Variants in SETX observed in about 807,000 individuals in gnomAD.
SETX encodes the protein helicase senataxin.
In SETX, 90 loss-of-function variants were observed where a neutral mutation model predicts 227.2. That is an observed-to-expected ratio of 0.40 (90% CI 0.33 to 0.47). The LOEUF (loss-of-function observed/expected upper bound fraction) is 0.47. SETX is among the 20% of genes least tolerant of loss of function. SETX has a pLI of 0.91. For synonymous variants in SETX, 1,210 were observed against 1,113.2 expected, an observed-to-expected ratio of 1.09 and a Z score of -1.73; for missense variants, 3,052 against 3,181.5, an observed-to-expected ratio of 0.96 and a Z score of 0.98.
At position 132,328,687 on chromosome 9, in the gene SETX, C is replaced by G; in HGVS notation, c.2911G>C (p.Ala971Pro). The change falls in exon 10 of 26, where the codon GCC becomes CCC. Residue 971 changes from alanine (A) to proline (P), a missense_variant. Ala to Pro is a conservative substitution (Grantham distance 27). This residue lies in a region of SETX where 1,483 missense variants were observed against 1,312.0 expected (regional missense o/e 1.13). Transcript: ENST00000224140. ...TCGGATGGGAACGTAATAACACTGG[C>G]TTGAGCTAGTAAAGATAATTTGTGA... ...DLHKLSLLAQ[A>P]SVITFPSDSP... The G allele has an allele frequency of 6.2e-7, 1 of 1,613,774 alleles. No individual in the cohort carries two copies. Among genetic ancestry groups the G allele is most frequent in the Non-Finnish European group, 8.5e-7 (1 of 1,179,844 alleles).
chr9:132,279,769 C>G (rs910449749), intron 20 of SETX, among the ~76,000 whole-genome samples: 2 of 152,112 alleles, frequency 1.3e-5, no homozygotes, highest in African/African-American at 4.8e-5. Flanking sequence ...TAAGGTAACG[C>G]ATCTACCTCC....
chr9:132,275,997 T>C (rs1258380411), intron 22 of SETX, among the ~76,000 whole-genome samples: 2 of 152,126 alleles, frequency 1.3e-5, no homozygotes, highest in Non-Finnish European at 2.9e-5. Flanking sequence ...GTCCTCTTTG[T>C]AGTCCTCAGC....
chr9:132,283,147 T>G lies in SETX; in HGVS notation c.6546+117A>C, dbSNP rs540707650. The G allele has an allele frequency of 4.8e-5, 63 of 1,304,284 alleles. No individual in the cohort carries two copies. The African/African-American group carries it at 8.6e-4, about 18-fold the overall frequency. The allele number at this position is 1,304,284 out of a possible 1,614,324, so 80.8% of individuals were successfully genotyped here. A position where few individuals can be genotyped will look rare whatever the true frequency, so the allele number is the denominator to read the frequency against. The stretch of plus-strand genomic sequence containing the variant: ...AAGGGAATACACAGGTAATAGCAAG[T>G]GAAAATCAGATGCAAAAAAAAAAAA... On this transcript the variant is annotated intron_variant, in intron 19 of 25. Transcript: ENST00000224140.
intron 10 of SETX, among the ~76,000 whole-genome samples, chr9:132,320,236 T>C (rs971050505): frequency 2.6e-5 from 4 of 152,130 alleles, no homozygotes; most frequent in African/African-American, 9.7e-5. Context: ...ATTAAATCTA[T>C]GTTTCAGGTT....
intron 11 of SETX, among the ~76,000 whole-genome samples, 185 bp downstream of exon 11, chr9:132,311,572 A>AT (rs1436771410): frequency 1.3e-5 from 2 of 152,178 alleles, no homozygotes; most frequent in Non-Finnish European, 2.9e-5. Context: ...GAAAAAAATC[A>AT]TAAATTTTAC....
intron 21 of SETX, 65 bp from the exon 22 acceptor site, chr9:132,277,217 T>C: frequency 2.1e-6 from 3 of 1,449,016 alleles, no homozygotes; most frequent in Non-Finnish European, 2.9e-6. Context: ...TATCTTGGTA[T>C]TACTACAATT....
intron 19 of SETX, chr9:132,282,988 A>G (rs1843628572): frequency 8.5e-6 from 4 of 469,302 alleles, no homozygotes; most frequent in Admixed American, 3.4e-5. Flanking sequence ...GTTACCAGAG[A>G]TATTCTAAGC....
Position 132,264,381 on chromosome 9 carries a change from T to G in SETX, c.7892A>C (p.His2631Pro). The G allele has an allele frequency of 6.2e-7, 1 of 1,614,164 alleles. No homozygotes were observed. Among genetic ancestry groups the G allele is most frequent in the Non-Finnish European group, 8.5e-7 (1 of 1,180,024 alleles). The change falls in exon 26 of 26, where the codon CAC becomes CCC. Residue 2631 changes from histidine to proline, a missense_variant. Physicochemically the swap from His to Pro is moderately conservative, Grantham distance 77. Around this residue, in one of 10 missense-constraint regions of SETX, gnomAD observed 294 missense variants for 278.8 expected, o/e 1.05. Coordinates refer to ENST00000224140, the MANE Select transcript of SETX (RefSeq NM_015046.7). ...KCDDPEEELC[H>P]RREARAFSEG... ...ACTGAAAGCCCTGGCCTCTCTCCTG[T>G]GACAGAGCTCCTCTTCCGGGTCATC...
intron 15 of SETX, among the ~76,000 whole-genome samples, chr9:132,290,337 G>A (rs1297372421): frequency 2.0e-5 from 3 of 152,164 alleles, no homozygotes; most frequent in East Asian, 3.9e-4. Flanking sequence ...AGCACTCTGG[G>A]AGGCCAAGGC....
intron 23 of SETX, among the ~76,000 whole-genome samples, chr9:132,273,897 T>C (rs922693355): frequency 6.6e-6 from 1 of 152,206 alleles, no homozygotes; most frequent in Admixed American, 6.5e-5. Context: ...CTTTCATTCT[T>C]ACCATGAAGT....
At chr9:132,320,538 G>A (rs1400740715) in intron 10 of SETX, among the ~76,000 whole-genome samples, 1 of 143,738 alleles carries the variant, frequency 7.0e-6, no homozygotes, top group Non-Finnish European at 1.5e-5. Context: ...AGCTTGCAGT[G>A]AGCCAAGATC....
rs192440279 is a variant in SETX, at chr9:132,269,771, G to C, written c.7200-69C>G. The C allele has an allele frequency of 4.0e-6, 6 of 1,493,744 alleles. No individual in the cohort carries two copies. In the African/African-American group the frequency reaches 6.9e-5, roughly 17 times the overall value. 92.5% of individuals were successfully genotyped at this position (1,493,744 alleles called of 1,614,324 possible). A position where few individuals can be genotyped will look rare whatever the true frequency, so the allele number is the denominator to read the frequency against. On this transcript the variant is annotated intron_variant, in intron 24 of 25. Transcript: ENST00000224140. ...AACATGCCCATGTGAGACAAAGGTGGACTCTAGAATGACTCAACGTGCCCG... is the reference window on the plus strand; with the variant it reads ...AACATGCCCATGTGAGACAAAGGTGCACTCTAGAATGACTCAACGTGCCCG...
Position 132,334,632 on chromosome 9 carries a change from G to A in SETX, c.814C>T (p.His272Tyr), listed in dbSNP as rs151036194. Residue 272 changes from histidine (H) to tyrosine (Y), a missense_variant, in exon 7 of 26, where the codon CAC becomes TAC. This residue lies in a region of SETX where 239 missense variants were observed against 240.8 expected (regional missense o/e 0.99). Coordinates refer to ENST00000224140, the MANE Select transcript of SETX (RefSeq NM_015046.7). ...CCATCTGCTTCCCTCTCCATAGTGT[G>A]AAGTATCGATTGCATAAAATCATTT... ...KQNDFMQSIL[H>Y]TMEREADDDS... 6.2e-7 allele frequency: 1 copy of A among 1,614,010 alleles called. No individual in the cohort carries two copies. The highest frequency in any genetic ancestry group is 2.2e-5 in the East Asian group (1 of 44,866).
In SETX at chr9:132,327,074, T is replaced by C. The variant is rs1182366669; in HGVS notation, c.4524A>G (p.Leu1508=). Residue 1508 remains leucine (L), a synonymous_variant, in exon 10 of 26, where the codon TTA becomes TTG. Coordinates refer to ENST00000224140, the MANE Select transcript of SETX (RefSeq NM_015046.7). ...AATTGTCATTCTCCATTTGTGAACA[T>C]AAATCCATATCTTCAGGATCATTTT... ...LTQNDPEDMD[L]CSQMENDNYK... 1.9e-6 allele frequency: 3 copies of C among 1,614,238 alleles called. No homozygotes were observed. The highest frequency in any genetic ancestry group is 3.3e-5 in the Admixed American group (2 of 60,034).
rs746415302 is a variant in SETX, at chr9:132,327,352, A to C, written c.4246T>G (p.Cys1416Gly). 6.2e-7 allele frequency: 1 copy of C among 1,614,098 alleles called. No homozygotes were observed. Among genetic ancestry groups the C allele is most frequent in the Non-Finnish European group, 8.5e-7 (1 of 1,180,030 alleles). Residue 1416 changes from cysteine (C) to glycine (G), a missense_variant, in exon 10 of 26, where the codon TGC becomes GGC. This residue lies in a region of SETX where 1,483 missense variants were observed against 1,312.0 expected (regional missense o/e 1.13). Coordinates refer to ENST00000224140, the MANE Select transcript of SETX (RefSeq NM_015046.7). Reference sequence around the variant, plus strand: ...ATGGTTTCTGGTTCAGAAGGCATGCATTTTATTAACTGTTTTCTGTTACTG... The same window carrying C: ...ATGGTTTCTGGTTCAGAAGGCATGCCTTTTATTAACTGTTTTCTGTTACTG... ...ANSNRKQLIK[C>G]MPSEPETIKA...
Position 132,336,337 on chromosome 9 carries a change from G to A in SETX, c.677C>T (p.Ser226Leu). The A allele has an allele frequency of 6.2e-7, 1 of 1,614,036 alleles. No individual in the cohort carries two copies. The highest frequency in any genetic ancestry group is 8.5e-7 in the Non-Finnish European group (1 of 1,179,914). ...GTAGTTGGTAGTATCATACATGTGT[G>A]AGGGCAGAAGAATCAGTTTACCCTT... Reference protein sequence around the residue: ...LEKGKLILLPSHMYDTTNYKS... With the variant: ...LEKGKLILLPLHMYDTTNYKS... The change falls in exon 6 of 26, where the codon TCA (serine) becomes TTA (leucine). Residue 226 changes from serine (S) to leucine (L), a missense_variant. Physicochemically the swap from Ser to Leu is moderately radical, Grantham distance 145. This residue lies in a region of SETX where 239 missense variants were observed against 240.8 expected (regional missense o/e 0.99). Coordinates refer to ENST00000224140, the MANE Select transcript of SETX (RefSeq NM_015046.7).
rs149394414 is a variant in SETX at position 132,279,294 on chromosome 9, T to G, written c.6655-1037A>C. On this transcript the variant is annotated intron_variant, in intron 20 of 25. Transcript: ENST00000224140. ...AAAAGGGGAGGGGGAGGGATAGCAT[T>G]AGGAGATACACCTAATGTAAATGAC... Among the ~76,000 whole-genome samples, 127 of 152,212 alleles carry G rather than the reference T, an allele frequency of 8.3e-4. No individual in the cohort carries two copies. In the Middle Eastern group the frequency reaches 0.01, roughly 12 times the overall value.
intron 3 of SETX, among the ~76,000 whole-genome samples, chr9:132,348,112 A>G (rs1490264386): frequency 1.3e-5 from 2 of 151,760 alleles, no homozygotes. Flanking sequence ...TAATCCCAGC[A>G]CTTTGGGAGG....
rs73547079 is a variant in SETX at position 132,313,718 on chromosome 9, T to C, written c.5275-1862A>G. On this transcript the variant is annotated intron_variant, in intron 10 of 25. Transcript: ENST00000224140. ...CAAAGTACAAACAAGTGTATGTTTG[T>C]GGTCCATCAGAGCATTATCAAAGTT... Among the ~76,000 whole-genome samples, 231 of 152,236 alleles carry C rather than the reference T, an allele frequency of 1.5e-3. 1 individual carries two copies. Among genetic ancestry groups the C allele is most frequent in the African/African-American group, 5.3e-3 (220 of 41,550 alleles).
Sources: gnomAD v4.1 joint callset for allele counts (sites outside exome capture counted in the v4.1 genomes callset) on GRCh38, gnomAD v4.1.1 for gene constraint, gnomAD v4.1.1 regional missense constraint, MANE v1.5 for transcripts, NCBI Gene and HGNC (gene_info 2026-07-23, HGNC 2026-07-21) for gene names.